Variants in PTPRD observed in about 807,000 individuals in gnomAD.
The protein encoded by PTPRD is receptor-type tyrosine-protein phosphatase delta.
Under a neutral mutation model 214.5 loss-of-function variants are expected in PTPRD, and 34 were observed. The observed-to-expected ratio is 0.16, with a 90% CI of 0.12 to 0.21. The LOEUF (loss-of-function observed/expected upper bound fraction) is 0.21, where lower values mean the gene tolerates loss of function less well. Among genes scored for constraint, PTPRD ranks in the 10% least tolerant of loss-of-function variants. The pLI, the probability that PTPRD is intolerant of heterozygous loss-of-function variation, is 1.00. For synonymous variants in PTPRD, 1,128 were observed against 845.7 expected (o/e 1.33, Z -5.79); for missense variants, 2,545 against 2,398.7 (o/e 1.06, Z -1.27).
chr9:10,309,755 T>C (rs1271900640), intron 3 of PTPRD, among the ~76,000 whole-genome samples: 1 of 151,946 alleles, frequency 6.6e-6, no homozygotes, highest in Non-Finnish European at 1.5e-5. Flanking sequence ...GATATATACA[T>C]ATGTGTCTGC....
At chr9:10,479,799 C>T (rs935089672) in intron 2 of PTPRD, among the ~76,000 whole-genome samples, 1 of 151,918 alleles carries the variant, frequency 6.6e-6, no homozygotes, top group African/African-American at 2.4e-5. Context: ...TCAGCCTGGG[C>T]AACAGGGTGA....
chr9:10,167,880 C>T (rs2099169258), intron 3 of PTPRD, among the ~76,000 whole-genome samples: 1 of 151,980 alleles, frequency 6.6e-6, no homozygotes, highest in East Asian at 1.9e-4. Flanking sequence ...TGTAAGAGTT[C>T]ATACTGTGTG....
chr9:10,276,972 T>A (rs1226609541), intron 3 of PTPRD, among the ~76,000 whole-genome samples: 1 of 152,160 alleles, frequency 6.6e-6, no homozygotes, highest in Non-Finnish European at 1.5e-5. Flanking sequence ...CCAATTATTT[T>A]GCCCTGGATA....
rs114197541 is a variant in PTPRD, at chr9:9,805,976, G to A, written c.-367-39125C>T. Among the ~76,000 whole-genome samples the A allele has an allele frequency of 8.1e-3, 1,228 of 152,236 alleles. 16 individuals carry two copies. Among genetic ancestry groups the A allele is most frequent in the African/African-American group, 0.028 (1,164 of 41,548 alleles). ...TCACTCAACAAATAGCTTACACAGA[G>A]GTAGCTTTTAGAGGGAATGGTGATC... is the stretch of plus-strand genomic sequence containing the variant. On this transcript the variant is annotated intron_variant, in intron 5 of 45. Transcript: ENST00000381196.
At chr9:10,288,434 A>G (rs1014109562) in intron 3 of PTPRD, among the ~76,000 whole-genome samples, 10 of 152,184 alleles carry the variant, frequency 6.6e-5, no homozygotes, top group African/African-American at 1.9e-4. Context: ...TAACTTAATG[A>G]CCCAAGTAAA....
At chr9:8,421,388 T>C (rs199831882) in intron 35 of PTPRD, among the ~76,000 whole-genome samples, 12 of 137,908 alleles carry the variant, frequency 8.7e-5, no homozygotes, top group East Asian at 2.1e-4. Context: ...CTCTCTCTCT[T>C]TCTTTCTTTC....
At chr9:10,272,354 T>A (rs926635255) in intron 3 of PTPRD, among the ~76,000 whole-genome samples, 1 of 152,252 alleles carries the variant, frequency 6.6e-6, no homozygotes, top group African/African-American at 2.4e-5. Flanking sequence ...TATGTGTTGA[T>A]GGATATTTGA....
intron 2 of PTPRD, among the ~76,000 whole-genome samples, chr9:10,377,852 C>G (rs1204989012): frequency 6.6e-6 from 1 of 152,034 alleles, no homozygotes; most frequent in African/African-American, 2.4e-5. Context: ...CTACTGTGAA[C>G]AGTGCTGCAA....
rs151325503 is a variant in PTPRD at position 10,472,512 on chromosome 9, A to C, written c.-599-131495T>G. 4.0e-3 allele frequency among the ~76,000 whole-genome samples: 613 copies of C among 151,842 alleles called. 7 individuals carry two copies. Among genetic ancestry groups the C allele is most frequent in the African/African-American group, 0.014 (583 of 41,180 alleles). ...GAGTAGTTGGGGACTGGCGGAAACA[A>C]GTGGCAATATCAGTGAAGTATAGAA... is the stretch of plus-strand genomic sequence containing the variant. On this transcript the variant is annotated intron_variant, in intron 2 of 45. Coordinates refer to ENST00000381196, the MANE Select transcript of PTPRD (RefSeq NM_002839.4).
chr9:9,788,010 C>T (rs910508462), intron 5 of PTPRD, among the ~76,000 whole-genome samples: 2 of 151,174 alleles, frequency 1.3e-5, no homozygotes, highest in African/African-American at 4.8e-5. Flanking sequence ...CTCAAACTCC[C>T]GACTTAAGGT....
chr9:9,959,027 T>C (rs2154020391), intron 4 of PTPRD, among the ~76,000 whole-genome samples: 1 of 152,346 alleles, frequency 6.6e-6, no homozygotes, highest in Non-Finnish European at 1.5e-5. Context: ...CTAAAAGTTA[T>C]GTTCACACCA....
intron 7 of PTPRD, among the ~76,000 whole-genome samples, chr9:9,711,613 T>C (rs1448405633): frequency 6.6e-6 from 1 of 152,158 alleles, no homozygotes; most frequent in Non-Finnish European, 1.5e-5. Context: ...TTCCAGTGGT[T>C]CTCAACAAAG....
At chr9:9,130,748 T>C (rs2154474134) in intron 10 of PTPRD, among the ~76,000 whole-genome samples, 1 of 152,268 alleles carries the variant, frequency 6.6e-6, no homozygotes. Context: ...TGAATGGAAA[T>C]CTTTGATTGA....
intron 5 of PTPRD, among the ~76,000 whole-genome samples, chr9:9,881,278 T>C (rs1264856475): frequency 8.5e-5 from 13 of 152,266 alleles, no homozygotes; most frequent in Admixed American, 6.5e-4. Flanking sequence ...TATCTACAAC[T>C]TGACTATCAG....
At chr9:9,864,056 G>A (rs1180924026) in intron 5 of PTPRD, among the ~76,000 whole-genome samples, 1 of 152,162 alleles carries the variant, frequency 6.6e-6, no homozygotes, top group Non-Finnish European at 1.5e-5. Context: ...TATAATCCCA[G>A]CACTTTAGGA....
chr9:8,750,994 G>A (rs973523860), intron 11 of PTPRD, among the ~76,000 whole-genome samples: 1 of 152,080 alleles, frequency 6.6e-6, no homozygotes. Context: ...CATTTACTTG[G>A]ACATAGCCAT....
intron 7 of PTPRD, among the ~76,000 whole-genome samples, chr9:9,595,583 C>T (rs200997211): frequency 2.7e-5 from 4 of 147,624 alleles, no homozygotes; most frequent in African/African-American, 1.0e-4. Flanking sequence ...TGTGTATATA[C>T]ATATATATAT....
chr9:9,305,259 C>CT (rs978280303), intron 9 of PTPRD, among the ~76,000 whole-genome samples: 2 of 151,896 alleles, frequency 1.3e-5, no homozygotes, highest in Middle Eastern at 3.4e-3. Context: ...TAGATATTTA[C>CT]TTTTTTTGTT....
chr9:8,358,510 T>G (rs1299903477), intron 39 of PTPRD, among the ~76,000 whole-genome samples: 1 of 152,204 alleles, frequency 6.6e-6, no homozygotes, highest in Non-Finnish European at 1.5e-5. Context: ...GTATCTTAAA[T>G]ACATCATTTA....
Sources: gnomAD v4.1 joint callset for allele counts (sites outside exome capture counted in the v4.1 genomes callset) on GRCh38, gnomAD v4.1.1 for gene constraint, MANE v1.5 for transcripts, NCBI Gene and HGNC (gene_info 2026-07-23, HGNC 2026-07-21) for gene names.